Variants in SYNDIG1 observed in about 807,000 individuals in gnomAD.
SYNDIG1 encodes synapse differentiation-inducing gene protein 1.
SYNDIG1 carries 9 observed loss-of-function variants against 19.4 expected under a neutral mutation model. The observed-to-expected ratio is 0.46, with a 90% CI of 0.28 to 0.81. SYNDIG1 has a LOEUF of 0.81. Ranked by LOEUF, SYNDIG1 falls within the 30% of genes least tolerant of loss-of-function variation. The pLI, the probability that SYNDIG1 is intolerant of heterozygous loss-of-function variation, is 0.12. For missense variants in SYNDIG1, 311 were observed against 343.3 expected (o/e 0.91, Z 0.74); for synonymous variants, 141 against 145.9 (o/e 0.97, Z 0.24).
chr20:24,479,721 G>T (rs2055742314), intron 1 of SYNDIG1, among the ~76,000 whole-genome samples: 1 of 152,136 alleles, frequency 6.6e-6, no homozygotes, highest in Non-Finnish European at 1.5e-5. Flanking sequence ...AGCTCTCCCT[G>T]CCTGCTGCAT....
chr20:24,571,152 G>T (rs1370970272), intron 2 of SYNDIG1, among the ~76,000 whole-genome samples: 2 of 152,182 alleles, frequency 1.3e-5, no homozygotes, highest in Non-Finnish European at 2.9e-5. Flanking sequence ...AAGGAAAAAT[G>T]AGGGAGTTCT....
chr20:24,594,341 A>G (rs1440349932), intron 3 of SYNDIG1, among the ~76,000 whole-genome samples: 1 of 151,440 alleles, frequency 6.6e-6, no homozygotes, highest in Non-Finnish European at 1.5e-5. Flanking sequence ...GATCAGGTGT[A>G]TGGTTTTATT....
chr20:24,530,983 G>T (rs1457249541), intron 1 of SYNDIG1, among the ~76,000 whole-genome samples: 6 of 151,812 alleles, frequency 4.0e-5, no homozygotes, highest in Admixed American at 3.9e-4. Context: ...TAATTTTTTT[G>T]TATTTTAGTA....
intron 1 of SYNDIG1, among the ~76,000 whole-genome samples, chr20:24,507,471 C>A (rs78658735): frequency 6.6e-6 from 1 of 152,246 alleles, no homozygotes; most frequent in Non-Finnish European, 1.5e-5. Context: ...ATGAGCTCAG[C>A]ACAAGGCCCC....
At chr20:24,551,864 T>C (rs1259612754) in intron 2 of SYNDIG1, among the ~76,000 whole-genome samples, 1 of 152,238 alleles carries the variant, frequency 6.6e-6, no homozygotes. Context: ...AATTTCTCTT[T>C]TAAATTGATT....
At chr20:24,626,737 G>A (rs1220724949) in intron 3 of SYNDIG1, among the ~76,000 whole-genome samples, 2 of 152,222 alleles carry the variant, frequency 1.3e-5, no homozygotes, top group Non-Finnish European at 2.9e-5. Context: ...CTGGGAGGTG[G>A]AGGTTGTAGC....
chr20:24,549,954 G>A (rs569757174), intron 2 of SYNDIG1, among the ~76,000 whole-genome samples: 3 of 152,246 alleles, frequency 2.0e-5, no homozygotes, highest in South Asian at 2.1e-4. Flanking sequence ...CCCTTTCTCT[G>A]CCATGTTGTT....
intron 1 of SYNDIG1, among the ~76,000 whole-genome samples, chr20:24,530,986 T>C (rs1278285037): frequency 6.6e-6 from 1 of 151,866 alleles, no homozygotes; most frequent in Non-Finnish European, 1.5e-5. Flanking sequence ...TTTTTTTGTA[T>C]TTTAGTAGAG....
chr20:24,605,189 G>A (rs1282671227), intron 3 of SYNDIG1, among the ~76,000 whole-genome samples: 1 of 152,172 alleles, frequency 6.6e-6, no homozygotes, highest in Non-Finnish European at 1.5e-5. Flanking sequence ...CAGATGGGTG[G>A]GAAGGGTTTG....
At chr20:24,477,135 C>A (rs2055651611) in intron 1 of SYNDIG1, among the ~76,000 whole-genome samples, 1 of 152,160 alleles carries the variant, frequency 6.6e-6, no homozygotes, top group South Asian at 2.1e-4. Context: ...CATACCTTTC[C>A]AGGAAAAACA....
At chr20:24,594,064 T>C (rs1037239470) in intron 3 of SYNDIG1, among the ~76,000 whole-genome samples, 3 of 152,238 alleles carry the variant, frequency 2.0e-5, no homozygotes, top group Non-Finnish European at 2.9e-5. Context: ...TTTTTGGTTT[T>C]GTTTCTATTG....
Position 24,658,738 on chromosome 20 carries a change from T to G in SYNDIG1, c.619-6608T>G, listed in dbSNP as rs1490238796. 2.0e-5 allele frequency among the ~76,000 whole-genome samples: 3 copies of G among 151,996 alleles called. No homozygotes were observed. The highest frequency in any genetic ancestry group is 2.9e-5 in the Non-Finnish European group (2 of 68,002). On this transcript the variant is annotated intron_variant, in intron 3 of 3. Coordinates refer to ENST00000376862, the MANE Select transcript of SYNDIG1 (RefSeq NM_024893.3). The surrounding 1 kb of genome is among the most constrained non-coding windows in gnomAD (Gnocchi z 4.4). ...GCACAGCCCGGCAACGCCCAGAGCT[T>G]CGTTTCAGGCGTTCACCACAGGCTC...
At chr20:24,482,182 T>A (rs6083533) in intron 1 of SYNDIG1, among the ~76,000 whole-genome samples, 2,432 of 152,272 alleles carry the variant, frequency 0.016, 23 homozygotes, top group Non-Finnish European at 0.023. Flanking sequence ...TGTGCATTTT[T>A]ACTTGTTTTT....
At chr20:24,660,690 T>C (rs1052901230) in intron 3 of SYNDIG1, among the ~76,000 whole-genome samples, 3 of 152,212 alleles carry the variant, frequency 2.0e-5, no homozygotes, top group African/African-American at 7.2e-5. Context: ...GGCAGGTTCT[T>C]CTCAGGCCCA....
chr20:24,576,153 T>A (rs1042728012), intron 2 of SYNDIG1, among the ~76,000 whole-genome samples: 17 of 152,214 alleles, frequency 1.1e-4, no homozygotes, highest in African/African-American at 4.1e-4. Flanking sequence ...GAGGGCATGT[T>A]TTCCCCATTT....
intron 3 of SYNDIG1, among the ~76,000 whole-genome samples, chr20:24,661,312 AAGGGGAGGGAG>A (rs2059583273): frequency 8.8e-6 from 1 of 114,122 alleles, no homozygotes; most frequent in African/African-American, 3.1e-5. Flanking sequence ...GGAGGGAGGA[AAGGGGAGGGAG>A]GGAAGAGAGG....
At chr20:24,558,328 T>C (rs1392852025) in intron 2 of SYNDIG1, among the ~76,000 whole-genome samples, 2 of 152,256 alleles carry the variant, frequency 1.3e-5, no homozygotes, top group African/African-American at 4.8e-5. Flanking sequence ...TAATATTTTC[T>C]GTCTTAAAGT....
intron 1 of SYNDIG1, among the ~76,000 whole-genome samples, chr20:24,516,620 A>G (rs1338335357): frequency 2.0e-5 from 3 of 152,248 alleles, no homozygotes; most frequent in Non-Finnish European, 2.9e-5. Context: ...ACAATGAGAT[A>G]CCATATCACA....
chr20:24,664,597 A>G (rs1005086912), intron 3 of SYNDIG1, among the ~76,000 whole-genome samples: 3 of 152,120 alleles, frequency 2.0e-5, no homozygotes, highest in African/African-American at 7.2e-5. Flanking sequence ...CCATGTTTCC[A>G]TCTCCTCGTG....
Sources: allele counts gnomAD v4.1 joint callset (sites outside exome capture counted in the v4.1 genomes callset), GRCh38; gene constraint gnomAD v4.1.1; non-coding constraint Gnocchi (gnomAD v3.1); transcripts MANE v1.5; gene names NCBI Gene and HGNC (gene_info 2026-07-23, HGNC 2026-07-21).